The following PDE1C variants were observed in gnomAD, a reference collection of about 807,000 sequenced individuals.
PDE1C encodes dual specificity calcium/calmodulin-dependent 3',5'-cyclic nucleotide phosphodiesterase 1C.
In PDE1C, 62 loss-of-function variants were observed where a neutral mutation model predicts 93.1. The observed-to-expected ratio is 0.67, with a 90% CI of 0.54 to 0.82. The LOEUF (loss-of-function observed/expected upper bound fraction) is 0.82. Among genes scored for constraint, PDE1C ranks in the 40% least tolerant of loss-of-function variants. PDE1C has a pLI of 0.00. For missense variants in PDE1C, 742 were observed against 884.6 expected (o/e 0.84, Z 2.04); for synonymous variants, 325 against 310.1 (o/e 1.05, Z -0.50).
intron 16 of PDE1C, chr7:31,784,659 C>T (rs1038552515): frequency 1.3e-5 from 2 of 152,024 alleles, no homozygotes; most frequent in African/African-American, 2.4e-5. Flanking sequence ...AAAGGGAAGA[C>T]ATTTAAATTA....
exon 3 of PDE1C, chr7:32,169,816 T>C: frequency 6.2e-7 from 1 of 1,612,698 alleles, no homozygotes; most frequent in Non-Finnish European, 8.5e-7. Context: ...ACTTCTGGGC[T>C]ATCCAGCTGT....
At chr7:31,623,643 A>G in the PDE1C span, among the ~76,000 whole-genome samples, 2 of 131,562 alleles carry the variant, frequency 1.5e-5, no homozygotes, top group African/African-American at 5.4e-5. Context: ...CCCACAGCCA[A>G]TATCATACTG....
chr7:31,972,298 C>G (rs1161102245), intron 2 of PDE1C, among the ~76,000 whole-genome samples: 1 of 152,194 alleles, frequency 6.6e-6, no homozygotes, highest in Admixed American at 6.5e-5. Flanking sequence ...TGTTCAATAT[C>G]TCATTCCAAA....
intron 1 of PDE1C, among the ~76,000 whole-genome samples, chr7:32,054,096 A>G (rs1793734672): frequency 8.3e-6 from 1 of 119,944 alleles, no homozygotes. Context: ...AAGTGGGAAG[A>G]GTAATAAAAT....
the PDE1C span, among the ~76,000 whole-genome samples, chr7:31,633,123 G>C: frequency 6.6e-6 from 1 of 151,936 alleles, no homozygotes; most frequent in Non-Finnish European, 1.5e-5. Context: ...CTGACCTCGT[G>C]ATCTGCCTGC....
chr7:32,357,336 A>T (rs1319311116), intron 1 of PDE1C, among the ~76,000 whole-genome samples: 2 of 141,932 alleles, frequency 1.4e-5, no homozygotes, highest in East Asian at 2.0e-4. Context: ...TCCATCACAC[A>T]CAAAAAAAAA....
At chr7:31,817,915 A>G (rs1788466745) in intron 14 of PDE1C, among the ~76,000 whole-genome samples, 1 of 152,094 alleles carries the variant, frequency 6.6e-6, no homozygotes, top group East Asian at 1.9e-4. Context: ...CTGACTTTAT[A>G]TTTGCTTACC....
chr7:32,328,467 T>C (rs1330663782), intron 1 of PDE1C, among the ~76,000 whole-genome samples: 2 of 152,218 alleles, frequency 1.3e-5, no homozygotes, highest in Admixed American at 6.5e-5. Context: ...CTGCATGATC[T>C]GCCTGCTGCA....
the PDE1C span, among the ~76,000 whole-genome samples, chr7:31,675,920 G>A: frequency 2.0e-5 from 3 of 152,270 alleles, no homozygotes; most frequent in East Asian, 3.9e-4. Context: ...GTATCCATCT[G>A]AAGATCTGGG....
At chr7:32,135,270 G>C (rs529107104) in intron 3 of PDE1C, among the ~76,000 whole-genome samples, 2 of 152,146 alleles carry the variant, frequency 1.3e-5, no homozygotes, top group African/African-American at 4.8e-5. Flanking sequence ...TTTGAAAAAC[G>C]TTTAAGGCAG....
chr7:32,152,880 G>A (rs553525483), intron 3 of PDE1C, among the ~76,000 whole-genome samples: 1 of 152,114 alleles, frequency 6.6e-6, no homozygotes. Flanking sequence ...ATAACTATGA[G>A]AATAAGGCAT....
chr7:32,087,869 G>A (rs929695911), intron 3 of PDE1C, among the ~76,000 whole-genome samples: 5 of 150,328 alleles, frequency 3.3e-5, no homozygotes, highest in Admixed American at 3.3e-4. Flanking sequence ...TGGGAGGGGG[G>A]AGGGATAGCA....
chr7:32,290,061 G>T lies in PDE1C; in HGVS notation c.85+8590C>A, dbSNP rs58352647. Among the ~76,000 whole-genome samples, 503 of 152,266 alleles carry T rather than the reference G, an allele frequency of 3.3e-3. 1 individual carries two copies. The highest frequency in any genetic ancestry group is 0.012 in the African/African-American group (492 of 41,548). On this transcript the variant is annotated intron_variant, in intron 1 of 18. Transcript: ENST00000396193. ...TTCTAGCAACTCTGCCTCCAAGCCT[G>T]CCCAGGGTCCCCTGGGGAAGGCCTG...
Position 31,879,001 on chromosome 7 carries a change from C to T in PDE1C, c.420G>A (p.Val140=), listed in dbSNP as rs2128876097. 1.2e-6 allele frequency: 2 copies of T among 1,613,414 alleles called. No homozygotes were observed. The highest frequency in any genetic ancestry group is 2.7e-5 in the African/African-American group (2 of 75,030). The change falls in exon 4 of 18, where the codon GTG becomes GTA. Residue 140 remains valine, a synonymous_variant. Transcript: ENST00000396191. ...ACAATGAATGACATCTTTACCTCTC[C>T]ACAAATATCCCAGCCTGCACTGCGT... is the stretch of plus-strand genomic sequence containing the variant. ...IVHAVQAGIF[V]ERMYRRTSNM... is the part of the protein sequence containing the mutation.
intron 1 of PDE1C, among the ~76,000 whole-genome samples, chr7:32,325,693 T>C (rs1783391462): frequency 6.6e-6 from 1 of 152,246 alleles, no homozygotes; most frequent in Non-Finnish European, 1.5e-5. Context: ...AAAGAATGAC[T>C]GAATGAGTAA....
chr7:31,883,409 AAAG>A (rs1377847631), intron 2 of PDE1C, among the ~76,000 whole-genome samples: 1 of 152,232 alleles, frequency 6.6e-6, no homozygotes, highest in African/African-American at 2.4e-5. Context: ...AAGATTCTGG[AAAG>A]AAGAGACAGA....
At chr7:31,904,876 T>C (rs1306872311) in intron 2 of PDE1C, among the ~76,000 whole-genome samples, 3 of 152,172 alleles carry the variant, frequency 2.0e-5, no homozygotes, top group African/African-American at 7.2e-5. Flanking sequence ...TTTTATCCAG[T>C]AGTTGAATGT....
chr7:32,109,873 A>T (rs929539122), intron 3 of PDE1C, among the ~76,000 whole-genome samples: 1 of 152,156 alleles, frequency 6.6e-6, no homozygotes, highest in African/African-American at 2.4e-5. Context: ...CTATTATTTT[A>T]AAAATACTGC....
At chr7:32,252,656 A>T (rs1809476680) in intron 1 of PDE1C, among the ~76,000 whole-genome samples, 1 of 152,168 alleles carries the variant, frequency 6.6e-6, no homozygotes, top group Admixed American at 6.5e-5. Context: ...AGGGTGGGAG[A>T]GAACTAAAAA....
Sources: allele counts gnomAD v4.1 joint callset (sites outside exome capture counted in the v4.1 genomes callset), GRCh38; gene constraint gnomAD v4.1.1; transcripts MANE v1.5; gene names NCBI Gene and HGNC (gene_info 2026-07-23, HGNC 2026-07-21).